Variants in OTOA observed in about 807,000 individuals in gnomAD.
OTOA encodes otoancorin, also known as cancer/testis antigen 108.
A neutral mutation model predicts 110.8 loss-of-function variants in OTOA; 70 were observed. The ratio of observed to expected loss-of-function variants is 0.63; its 90% CI spans 0.52 to 0.77. The LOEUF (loss-of-function observed/expected upper bound fraction) is 0.77. Among genes scored for constraint, OTOA ranks in the 30% least tolerant of loss-of-function variants. The pLI is 0.00. For missense variants in OTOA, 917 were observed against 1,075.8 expected, an observed-to-expected ratio of 0.85 and a Z score of 2.06; for synonymous variants, 373 against 431.5, an observed-to-expected ratio of 0.86 and a Z score of 1.68.
chr16:21,714,838 G>A lies in OTOA; in HGVS notation c.1321-147G>A, dbSNP rs1283976235. Reference sequence around the variant, plus strand: ...TCTCTTTCTTGATAGAAGGAAGGAAGGCCTGTGGAGGCAGCATCTGTCTGG... The same window carrying A: ...TCTCTTTCTTGATAGAAGGAAGGAAAGCCTGTGGAGGCAGCATCTGTCTGG... On this transcript the variant is annotated intron_variant, in intron 13 of 28. Transcript: ENST00000646100. The A allele has an allele frequency of 5.0e-6, 5 of 1,000,354 alleles. No homozygotes were observed. The Admixed American group carries it at 7.8e-5, about 16-fold the overall frequency. The allele number at this position is 1,000,354 out of a possible 1,614,324, so 62.0% of individuals were successfully genotyped here.
intron 17 of OTOA, among the ~76,000 whole-genome samples, chr16:21,722,390 G>A (rs373450021): frequency 0.39 from 57,139 of 147,824 alleles, 11,492 homozygotes; most frequent in Admixed American, 0.43. Flanking sequence ...TATATGTATA[G>A]TTAAGCTATA....
chr16:21,692,996 T>C (rs903396978), intron 9 of OTOA, among the ~76,000 whole-genome samples: 6 of 149,048 alleles, frequency 4.0e-5, no homozygotes, highest in Middle Eastern at 3.7e-3. Flanking sequence ...GGCTTACACC[T>C]GTAATCCCAG....
At chr16:21,728,879 G>A (rs752907241) in intron 20 of OTOA, among the ~76,000 whole-genome samples, 4 of 152,020 alleles carry the variant, frequency 2.6e-5, no homozygotes, top group African/African-American at 4.8e-5. Context: ...GAGTCACCGC[G>A]CCTGGCCTTG....
chr16:21,696,124 A>C (rs1228141547), intron 9 of OTOA, among the ~76,000 whole-genome samples: 1 of 151,442 alleles, frequency 6.6e-6, no homozygotes, highest in Non-Finnish European at 1.5e-5. Flanking sequence ...CGATCTCCTG[A>C]CCTTGTGATC....
Position 21,719,522 on chromosome 16 carries a change from T to C in OTOA, c.1806+18T>C. On this transcript the variant is annotated intron_variant, in intron 17 of 28. Transcript: ENST00000646100. The stretch of plus-strand genomic sequence containing the variant: ...CCTATCAGGTACCGTTAAAGCATTT[T>C]CCAGCTTCTAATTCTCTCTCCCTAC... 1.2e-6 allele frequency: 2 copies of C among 1,605,362 alleles called. No individual in the cohort carries two copies. Among genetic ancestry groups the C allele is most frequent in the East Asian group, 4.5e-5 (2 of 44,846 alleles).
intron 1 of OTOA, among the ~76,000 whole-genome samples, chr16:21,672,698 A>G (rs1966850961): frequency 6.6e-6 from 1 of 151,984 alleles, no homozygotes; most frequent in Non-Finnish European, 1.5e-5. Flanking sequence ...GATGTGTATA[A>G]TGTATGGTGA....
At chr16:21,759,226 A>G (rs1900091516) in intron 28 of OTOA, among the ~76,000 whole-genome samples, 2 of 152,052 alleles carry the variant, frequency 1.3e-5, no homozygotes, top group South Asian at 4.1e-4. Flanking sequence ...AACCAATGTT[A>G]GCAGCTTCTT....
chr16:21,731,505 C>T (rs554105311), intron 21 of OTOA, among the ~76,000 whole-genome samples: 21 of 152,282 alleles, frequency 1.4e-4, no homozygotes, highest in African/African-American at 2.2e-4. Context: ...ATTTGTGGGT[C>T]GCTGGGGCAG....
chr16:21,668,731 G>T (rs1419235088), intron 1 of OTOA, among the ~76,000 whole-genome samples: 5 of 151,710 alleles, frequency 3.3e-5, no homozygotes, highest in African/African-American at 1.2e-4. Flanking sequence ...CAAAGTGCTG[G>T]GATTACAGGT....
chr16:21,699,328 A>G (rs7203001), intron 10 of OTOA, among the ~76,000 whole-genome samples: 4,523 of 152,296 alleles, frequency 0.03, 245 homozygotes, highest in African/African-American at 0.1. Flanking sequence ...TGAGCACAGC[A>G]TAATACTGTC....
At chr16:21,735,170 G>C (rs1899248735) in intron 21 of OTOA, among the ~76,000 whole-genome samples, 2 of 151,198 alleles carry the variant, frequency 1.3e-5, no homozygotes, top group African/African-American at 4.9e-5. Flanking sequence ...CAAGAAAAGA[G>C]GATTGATTGG....
chr16:21,697,988 C>A (rs1897978715), intron 10 of OTOA, 113 bp downstream of exon 10: 3 of 883,978 alleles, frequency 3.4e-6, no homozygotes, highest in Non-Finnish European at 5.5e-6. Context: ...AAATTGTGTA[C>A]CCTCCTCAGC....
At chr16:21,701,685 C>A (rs898316545) in intron 11 of OTOA, among the ~76,000 whole-genome samples, 1 of 152,038 alleles carries the variant, frequency 6.6e-6, no homozygotes, top group Non-Finnish European at 1.5e-5. Context: ...GTGATGTGAC[C>A]TTGGCTCACT....
intron 1 of OTOA, among the ~76,000 whole-genome samples, chr16:21,666,414 C>G (rs1042011875): frequency 1.3e-5 from 2 of 151,966 alleles, no homozygotes; most frequent in Admixed American, 6.6e-5. Flanking sequence ...GGAGGGGAAC[C>G]TCCTAGCATC....
chr16:21,715,277 G>C, intron 14 of OTOA, 125 bp downstream of exon 14: 1 of 1,330,030 alleles, frequency 7.5e-7, no homozygotes, highest in East Asian at 2.3e-5. Flanking sequence ...TGGTGTCTGG[G>C]GTGGCTCTGC....
chr16:21,667,043 G>C (rs1966841442), intron 1 of OTOA, among the ~76,000 whole-genome samples: 1 of 152,026 alleles, frequency 6.6e-6, no homozygotes, highest in South Asian at 2.1e-4. Flanking sequence ...AGGGAAGGGA[G>C]AAAAAAGGGT....
At chr16:21,736,780 G>A (rs1169934050) in intron 22 of OTOA, among the ~76,000 whole-genome samples, 124 of 152,346 alleles carry the variant, frequency 8.1e-4, no homozygotes, top group Middle Eastern at 3.4e-3. Flanking sequence ...GCAGTGAGCT[G>A]AGATGGCACC....
chr16:21,696,254 C>T (rs949802481), intron 9 of OTOA, among the ~76,000 whole-genome samples: 2 of 151,862 alleles, frequency 1.3e-5, no homozygotes, highest in Non-Finnish European at 2.9e-5. Context: ...AAAGCCAGAA[C>T]GGGGTGTCAG....
Position 21,710,119 on chromosome 16 carries a change from A to G in OTOA, c.1320+16A>G. The G allele has an allele frequency of 6.3e-7, 1 of 1,596,776 alleles. No homozygotes were observed. Among genetic ancestry groups the G allele is most frequent in the Non-Finnish European group, 8.5e-7 (1 of 1,170,300 alleles). ...CCATGAGAAGGTCAGCTGGAGTTTT[A>G]AACTCTTTTTTATTCCCCTAAGATG... On this transcript the variant is annotated intron_variant, in intron 13 of 28. Coordinates refer to ENST00000646100, the MANE Select transcript of OTOA (RefSeq NM_144672.4).
Sources: gnomAD v4.1 joint callset for allele counts (sites outside exome capture counted in the v4.1 genomes callset) on GRCh38, gnomAD v4.1.1 for gene constraint, MANE v1.5 for transcripts, NCBI Gene and HGNC (gene_info 2026-07-23, HGNC 2026-07-21) for gene names.